The following STRA8 variants were observed in gnomAD, a reference collection of about 807,000 sequenced individuals.
STRA8 encodes the protein stimulated by retinoic acid 8.
Under a neutral mutation model 37.1 loss-of-function variants are expected in STRA8, and 18 were observed. The observed-to-expected ratio is 0.48, with a 90% confidence interval of 0.34 to 0.72. The LOEUF is 0.72. Ranked by LOEUF, STRA8 falls within the 30% of genes least tolerant of loss-of-function variation. The pLI is 0.01. For missense variants in STRA8, 357 were observed against 410.4 expected, an observed-to-expected ratio of 0.87 and a Z score of 1.13; for synonymous variants, 168 against 162.9, an observed-to-expected ratio of 1.03 and a Z score of -0.24.
At chr7:135,249,340 T>C (rs1212268560) in intron 6 of STRA8, among the ~76,000 whole-genome samples, 1 of 152,190 alleles carries the variant, frequency 6.6e-6, no homozygotes, top group Non-Finnish European at 1.5e-5. Context: ...TTCCAGCATT[T>C]TGGGAGGCCA....
intron 8 of STRA8, 95 bp from the exon 9 acceptor site, chr7:135,258,323 G>A (rs902300224): frequency 4.0e-6 from 4 of 1,004,478 alleles, no homozygotes; most frequent in Non-Finnish European, 4.5e-6. Context: ...AGAGTCTGGG[G>A]GCTGGGCACA....
intron 7 of STRA8, 148 bp from the exon 8 acceptor site, chr7:135,254,966 C>G (rs1332372787): frequency 1.5e-6 from 1 of 675,326 alleles, no homozygotes; most frequent in Non-Finnish European, 2.7e-6. Context: ...AGAGGTAACA[C>G]AAACCTTTCA....
intron 4 of STRA8, 83 bp downstream of exon 4, chr7:135,243,493 C>A: frequency 7.9e-7 from 1 of 1,266,834 alleles, no homozygotes; most frequent in South Asian, 1.3e-5. Flanking sequence ...ACTCACCCTT[C>A]CTCTCCAGCC....
chr7:135,255,201 C>A lies in STRA8; in HGVS notation c.1041C>A (p.Ser347Arg), dbSNP rs1832687970. 5 of 1,613,836 alleles carry A rather than the reference C, an allele frequency of 3.1e-6. No individual in the cohort carries two copies. The highest frequency in any genetic ancestry group is 2.2e-5 in the East Asian group (1 of 44,882). The part of the protein sequence containing the change: ...MQIINFFKGL[S>R]CANTQVKQEA... ...TCATCAACTTTTTTAAAGGCCTTAG[C>A]TGTGCAAACACTCAAGTAAAGCAGG... is the stretch of plus-strand genomic sequence containing the variant. The change falls in exon 8 of 9, where the codon AGC (serine) becomes AGA (arginine). Residue 347 changes from serine (S) to arginine (R), a missense_variant. Coordinates refer to ENST00000662584, the MANE Select transcript of STRA8 (RefSeq NM_001394401.1).
At chr7:135,242,183 TGGAA>T (rs946772993) in intron 2 of STRA8, among the ~76,000 whole-genome samples, 7 of 72,464 alleles carry the variant, frequency 9.7e-5, no homozygotes, top group Non-Finnish European at 1.7e-4. Context: ...GGAAGGAAGT[TGGAA>T]GGAAGGAAGG....
At chr7:135,251,588 T>TCCAGGG (rs1832634480) in intron 6 of STRA8, among the ~76,000 whole-genome samples, 2 of 152,156 alleles carry the variant, frequency 1.3e-5, no homozygotes, top group African/African-American at 4.8e-5. Context: ...GGGTTGGCAG[T>TCCAGGG]TTGTCCTGGG....
Position 135,246,933 on chromosome 7 carries a change from C to T in STRA8, c.879+231C>T, listed in dbSNP as rs1460605212. 1.5e-4 allele frequency: 76 copies of T among 491,882 alleles called. No individual in the cohort carries two copies. The highest frequency in any genetic ancestry group is 2.4e-4 in the Non-Finnish European group (69 of 285,040). The allele number at this position is 491,882 out of a possible 1,614,324, so 30.5% of individuals were successfully genotyped here. ...GATCTCGGCTCACTGCAAGCTCTGG[C>T]TCCCGGGTTCACCTCATTCTCCTGC... On this transcript the variant is annotated intron_variant, in intron 6 of 8. Transcript: ENST00000662584. The surrounding 1 kb of genome is among the most constrained non-coding windows in gnomAD (Gnocchi z 5.4).
Position 135,240,569 on chromosome 7 carries a change from A to G in STRA8, c.45A>G (p.Thr15=), listed in dbSNP as rs754238215. The change falls in exon 2 of 9, where the codon ACA becomes ACG. Residue 15 remains threonine (T), a synonymous_variant. Coordinates refer to ENST00000662584, the MANE Select transcript of STRA8 (RefSeq NM_001394401.1). The stretch of plus-strand genomic sequence containing the variant: ...ACAGCAATCCCCATGACAGAGCAAC[A>G]CCCCAGCTGCCAGCACAGCTGCAGG... ...EENSNPHDRA[T]PQLPAQLQEL... 6.2e-7 allele frequency: 1 copy of G among 1,613,634 alleles called. No homozygotes were observed. The highest frequency in any genetic ancestry group is 1.3e-5 in the African/African-American group (1 of 74,790).
At chr7:135,236,971 A>G (rs2117785069) in intron 1 of STRA8, among the ~76,000 whole-genome samples, 1 of 152,326 alleles carries the variant, frequency 6.6e-6, no homozygotes. Flanking sequence ...GGTGCCGATC[A>G]AAGATTTTTC....
At chr7:135,248,668 G>C (rs1485949778) in intron 6 of STRA8, among the ~76,000 whole-genome samples, 1 of 152,192 alleles carries the variant, frequency 6.6e-6, no homozygotes, top group Non-Finnish European at 1.5e-5. Flanking sequence ...CTATGATTGT[G>C]TCACTGCACT....
In STRA8 at chr7:135,246,346, C is replaced by T. The variant is rs1404887877; in HGVS notation, c.594-71C>T. ...CCGGGCCTGCGTGCTGGGGTCCACA[C>T]CATGAACCGAATCCCGAATCGCTTC... On this transcript the variant is annotated intron_variant, in intron 5 of 8. Coordinates refer to ENST00000662584, the MANE Select transcript of STRA8 (RefSeq NM_001394401.1). The surrounding 1 kb of genome is among the most constrained non-coding windows in gnomAD (Gnocchi z 5.4). 7.1e-6 allele frequency: 11 copies of T among 1,549,114 alleles called. No individual in the cohort carries two copies. Among genetic ancestry groups the T allele is most frequent in the Non-Finnish European group, 7.9e-6 (9 of 1,144,046 alleles).
At chr7:135,239,533 T>C (rs1832428862) in intron 1 of STRA8, among the ~76,000 whole-genome samples, 2 of 152,178 alleles carry the variant, frequency 1.3e-5, no homozygotes. Flanking sequence ...CCAGGCTCTG[T>C]GTTACGCACT....
chr7:135,251,837 C>A lies in STRA8; in HGVS notation c.921C>A (p.Asp307Glu). The A allele has an allele frequency of 1.2e-6, 2 of 1,614,082 alleles. No individual in the cohort carries two copies. Among genetic ancestry groups the A allele is most frequent in the Non-Finnish European group, 1.7e-6 (2 of 1,180,010 alleles). ...CCTTTGATGTGGCAAGCTTCCTGGA[C>A]AAAAGTGAGGTTCCGAGTACATCTA... ...EDAFDVASFLDKSEVPSTSSS... is the reference protein window; with the variant it reads ...EDAFDVASFLEKSEVPSTSSS... Residue 307 changes from aspartate (D) to glutamate (E), a missense_variant, in exon 7 of 9, where the codon GAC (aspartate) becomes GAA (glutamate). Physicochemically the swap from Asp to Glu is conservative, Grantham distance 45 (BLOSUM62 2). Transcript: ENST00000662584.
Position 135,258,470 on chromosome 7 carries a change from C to G in STRA8, c.1118C>G (p.Thr373Ser), listed in dbSNP as rs1383564554. Residue 373 changes from threonine to serine, a missense_variant, in exon 9 of 9, where the codon ACC (threonine) becomes AGC (serine). Physicochemically the swap from Thr to Ser is moderately conservative, Grantham distance 58 (BLOSUM62 1). Coordinates refer to ENST00000662584, the MANE Select transcript of STRA8 (RefSeq NM_001394401.1). ...EEMIMLQCTE[T>S]FDDEDL ...ATGATCATGTTGCAGTGCACAGAGA[C>G]CTTTGACGATGAAGATTTGTAATGC... The G allele has an allele frequency of 6.2e-7, 1 of 1,604,444 alleles. No individual in the cohort carries two copies. Among genetic ancestry groups the G allele is most frequent in the African/African-American group, 1.3e-5 (1 of 74,966 alleles).
intron 1 of STRA8, among the ~76,000 whole-genome samples, chr7:135,237,614 C>T (rs1162700279): frequency 6.6e-6 from 1 of 152,166 alleles, no homozygotes; most frequent in Non-Finnish European, 1.5e-5. Context: ...GCTCTGTCCA[C>T]CGGGCGTGGT....
At chr7:135,248,388 C>A (rs1832595191) in intron 6 of STRA8, among the ~76,000 whole-genome samples, 1 of 48,364 alleles carries the variant, frequency 2.1e-5, no homozygotes, top group Non-Finnish European at 3.9e-5. Flanking sequence ...TCAACTGAAT[C>A]ACCTGTGGAG....
intron 4 of STRA8, among the ~76,000 whole-genome samples, chr7:135,244,137 C>A (rs1359096650): frequency 6.6e-6 from 1 of 152,212 alleles, no homozygotes; most frequent in Non-Finnish European, 1.5e-5. Flanking sequence ...CAGTTCACTG[C>A]CACCTTTGCC....
rs547222315 is a variant in STRA8, at chr7:135,258,593, C to T, written c.*101C>T. The T allele has an allele frequency of 1.1e-6, 1 of 885,752 alleles. No individual in the cohort carries two copies. The highest frequency in any genetic ancestry group is 2.7e-5 in the East Asian group (1 of 37,066). 54.9% of individuals were successfully genotyped at this position (885,752 alleles called of 1,614,324 possible). ...TGCACCTGCCTTGGCCTCCAGGACT[C>T]TTTGGAGTGGGTTGTTCCAGAAGCA... is the stretch of plus-strand genomic sequence containing the variant. On this transcript the variant is annotated 3_prime_UTR_variant, in exon 9 of 9. Coordinates refer to ENST00000662584, the MANE Select transcript of STRA8 (RefSeq NM_001394401.1).
chr7:135,242,225 GGGGAGGGAGGGAGAGA>G (rs1225893245), intron 2 of STRA8, among the ~76,000 whole-genome samples: 1 of 136,762 alleles, frequency 7.3e-6, no homozygotes, highest in South Asian at 2.8e-4. Flanking sequence ...GCAGAAGGGA[GGGGAGGGAGGGAGAGA>G]GGGAGGGAGG....
Sources: gnomAD v4.1 joint callset for allele counts (sites outside exome capture counted in the v4.1 genomes callset) on GRCh38, gnomAD v4.1.1 for gene constraint, Gnocchi (gnomAD v3.1) non-coding constraint, MANE v1.5 for transcripts, NCBI Gene and HGNC (gene_info 2026-07-23, HGNC 2026-07-21) for gene names.